FAM168B: variants seen among roughly 807,000 people sequenced by gnomAD.
FAM168B encodes the protein myelin-associated neurite-outgrowth inhibitor.
FAM168B carries 19 observed loss-of-function variants against 21.8 expected under a neutral mutation model. That is an observed-to-expected ratio of 0.87 (90% confidence interval 0.61 to 1.28). The LOEUF (loss-of-function observed/expected upper bound fraction) is 1.28. Ranked by LOEUF, FAM168B falls within the 50% of genes most tolerant of loss-of-function variation. FAM168B has a pLI of 0.00. For missense variants in FAM168B, 233 were observed against 263.1 expected, an observed-to-expected ratio of 0.89 and a Z score of 0.79; for synonymous variants, 126 against 104.8, an observed-to-expected ratio of 1.20 and a Z score of -1.24.
chr2:131,091,197 G>A (rs538647823), intron 1 of FAM168B, among the ~76,000 whole-genome samples: 2 of 152,180 alleles, frequency 1.3e-5, no homozygotes, highest in African/African-American at 4.8e-5. Context: ...ACATTACCTG[G>A]GCAGGGTGGC....
At chr2:131,090,027 C>T (rs1417024986) in intron 1 of FAM168B, among the ~76,000 whole-genome samples, 4 of 129,088 alleles carry the variant, frequency 3.1e-5, no homozygotes, top group Admixed American at 7.9e-5. Flanking sequence ...GACGCTCCAT[C>T]TCAAAAAAAG....
intron 3 of FAM168B, among the ~76,000 whole-genome samples, chr2:131,067,072 A>G (rs1692602349): frequency 6.6e-6 from 1 of 151,850 alleles, no homozygotes; most frequent in African/African-American, 2.4e-5. Flanking sequence ...GGAAAAATCC[A>G]CCCCCATGAT....
chr2:131,055,196 A>T, intron 5 of FAM168B, 76 bp downstream of exon 5: 1 of 1,341,382 alleles, frequency 7.5e-7, no homozygotes, highest in East Asian at 2.8e-5. Context: ...GCCAAGGGTC[A>T]GAGGATTCGT....
At chr2:131,084,028 G>T (rs992259666) in intron 1 of FAM168B, among the ~76,000 whole-genome samples, 1 of 149,842 alleles carries the variant, frequency 6.7e-6, no homozygotes, top group Non-Finnish European at 1.5e-5. Flanking sequence ...TCAGCCTCCC[G>T]CATAGCAGGG....
intron 5 of FAM168B, among the ~76,000 whole-genome samples, chr2:131,054,495 T>C (rs369564299): frequency 6.6e-6 from 1 of 152,214 alleles, no homozygotes; most frequent in African/African-American, 2.4e-5. Context: ...AGAGTCTACA[T>C]TGAAGCACAC....
chr2:131,089,121 C>G (rs772672639), intron 1 of FAM168B, among the ~76,000 whole-genome samples: 2 of 152,172 alleles, frequency 1.3e-5, no homozygotes, highest in South Asian at 4.1e-4. Flanking sequence ...CATGTGCCAC[C>G]ACACCCAGCT....
Position 131,055,291 on chromosome 2 carries a change from G to A in FAM168B, c.456C>T (p.Thr152=), listed in dbSNP as rs1691949012. 1 of 1,578,304 alleles carries A rather than the reference G, an allele frequency of 6.3e-7. No homozygotes were observed. Residue 152 remains threonine, a synonymous_variant, in exon 5 of 7, where the codon ACC becomes ACT. Transcript: ENST00000389915. ...NGVTMGMVAG[T]TMAMSAGTLL... is the part of the protein sequence containing the mutation. ...ACTTACCTGCTGACATGGCCATGGT[G>A]GTCCCAGCCACCATGCCCATGGTGA...
chr2:131,086,579 G>A (rs929107585), intron 1 of FAM168B, among the ~76,000 whole-genome samples: 5 of 152,104 alleles, frequency 3.3e-5, no homozygotes, highest in Admixed American at 2.6e-4. Context: ...CCTAGACAAT[G>A]GAGCAAGACC....
At position 131,055,692 on chromosome 2, in the gene FAM168B, T is replaced by C; in HGVS notation, c.158A>G (p.Tyr53Cys). ...PGANPTFQTGYTPGTPYKVSC... is the reference protein window; with the variant it reads ...PGANPTFQTGCTPGTPYKVSC... Reference sequence around the variant, plus strand: ...CACTTTGTAAGGTGTGCCAGGAGTGTAACCTGGAACAAAGAAGGCAATGGC... The same window carrying C: ...CACTTTGTAAGGTGTGCCAGGAGTGCAACCTGGAACAAAGAAGGCAATGGC... Residue 53 changes from tyrosine to cysteine, a missense_variant, in exon 4 of 7, where the codon TAC becomes TGC. By Grantham distance (194) the Tyr-to-Cys change is radical. Coordinates refer to ENST00000389915, the MANE Select transcript of FAM168B (RefSeq NM_001009993.4). The C allele has an allele frequency of 6.2e-7, 1 of 1,613,462 alleles. No homozygotes were observed. Among genetic ancestry groups the C allele is most frequent in the Non-Finnish European group, 8.5e-7 (1 of 1,179,754 alleles).
rs1573730046 is a variant in FAM168B, at chr2:131,048,486, G to A, written c.*3979C>T. The A allele has an allele frequency of 1.1e-5, 12 of 1,134,948 alleles. No homozygotes were observed. In the South Asian group the frequency reaches 2.5e-4, roughly 23 times the overall value. The allele number at this position is 1,134,948 out of a possible 1,614,324, so 70.3% of individuals were successfully genotyped here. On this transcript the variant is annotated 3_prime_UTR_variant, in exon 7 of 7. Coordinates refer to ENST00000389915, the MANE Select transcript of FAM168B (RefSeq NM_001009993.4). ...ACTTCACTTCAGTCCTGTGGACCAA[G>A]ATAAGGCTATCCCCACAGGCTCTCT...
chr2:131,063,563 G>T (rs749139850), intron 3 of FAM168B, among the ~76,000 whole-genome samples: 21 of 152,162 alleles, frequency 1.4e-4, no homozygotes, highest in Non-Finnish European at 2.5e-4. Context: ...AGGATAACTT[G>T]ATTCCAAGAG....
At chr2:131,091,362 A>G (rs369758436) in intron 1 of FAM168B, among the ~76,000 whole-genome samples, 75 of 151,332 alleles carry the variant, frequency 5.0e-4, no homozygotes, top group African/African-American at 1.8e-3. Flanking sequence ...TAAATAAAAA[A>G]TAAAGCATAT....
intron 1 of FAM168B, among the ~76,000 whole-genome samples, chr2:131,091,911 C>G (rs1694051834): frequency 6.7e-6 from 1 of 150,134 alleles, no homozygotes; most frequent in Admixed American, 6.7e-5. Flanking sequence ...GGGCGGATCA[C>G]GAGGTCAGGA....
chr2:131,091,104 C>T (rs922571193), intron 1 of FAM168B, among the ~76,000 whole-genome samples: 4 of 152,156 alleles, frequency 2.6e-5, no homozygotes, highest in African/African-American at 7.2e-5. Flanking sequence ...GAGGCCAACG[C>T]GGGTGGATCA....
intron 3 of FAM168B, among the ~76,000 whole-genome samples, chr2:131,066,735 T>C (rs1470760038): frequency 6.6e-6 from 1 of 152,182 alleles, no homozygotes; most frequent in African/African-American, 2.4e-5. Flanking sequence ...ATTATTCCAA[T>C]GCCAAGGGTG....
At position 131,051,337 on chromosome 2, in the gene FAM168B, G is replaced by A. The variant is rs533444779; in HGVS notation, c.*1128C>T. 1.2e-4 allele frequency: 117 copies of A among 985,340 alleles called. No individual in the cohort carries two copies. In the African/African-American group the frequency reaches 1.6e-3, roughly 14 times the overall value. The allele number at this position is 985,340 out of a possible 1,614,324, so 61.0% of individuals were successfully genotyped here. A position where few individuals can be genotyped will look rare whatever the true frequency, so the allele number is the denominator to read the frequency against. ...CCTGCCTTTCTACAAGAAATTGGAG[G>A]AATTTTAAATAAAGTTTTGTTCCCT... On this transcript the variant is annotated 3_prime_UTR_variant, in exon 7 of 7. Transcript: ENST00000389915.
intron 1 of FAM168B, among the ~76,000 whole-genome samples, chr2:131,085,864 C>T (rs1025690534): frequency 6.6e-6 from 1 of 152,194 alleles, no homozygotes; most frequent in Non-Finnish European, 1.5e-5. Context: ...CTACAGCAGC[C>T]GCCTGCCAAG....
At chr2:131,082,451 C>A in intron 2 of FAM168B, 126 bp downstream of exon 2, 1 of 639,732 alleles carries the variant, frequency 1.6e-6, no homozygotes, top group Non-Finnish European at 2.7e-6. Context: ...TTTTTCACTT[C>A]CAGGTATTTT....
At chr2:131,078,208 G>A (rs1308726624) in intron 2 of FAM168B, among the ~76,000 whole-genome samples, 1 of 152,204 alleles carries the variant, frequency 6.6e-6, no homozygotes, top group Non-Finnish European at 1.5e-5. Flanking sequence ...TGACGCACAG[G>A]TGATCCAGAG....
Sources: allele counts gnomAD v4.1 joint callset (sites outside exome capture counted in the v4.1 genomes callset), GRCh38; gene constraint gnomAD v4.1.1; transcripts MANE v1.5; gene names NCBI Gene and HGNC (gene_info 2026-07-23, HGNC 2026-07-21).